OSBP: variants seen among roughly 807,000 people sequenced by gnomAD.
OSBP encodes the protein oxysterol-binding protein 1.
In OSBP, 32 loss-of-function variants were observed where a neutral mutation model predicts 96.6. The ratio of observed to expected loss-of-function variants is 0.33; its 90% CI spans 0.25 to 0.45. The LOEUF is 0.45. Ranked by LOEUF, OSBP falls within the 20% of genes least tolerant of loss-of-function variation. The probability of loss-of-function intolerance (pLI) is 1.00; values close to 1 mark genes in which losing one functional copy is unlikely to be tolerated. For missense variants in OSBP, 653 were observed against 1,029.7 expected (o/e 0.63, Z 5.01); for synonymous variants, 369 against 389.6 (o/e 0.95, Z 0.62).
chr11:59,584,965 T>G (rs577076164), intron 9 of OSBP, among the ~76,000 whole-genome samples: 1 of 152,326 alleles, frequency 6.6e-6, no homozygotes, highest in East Asian at 1.9e-4. Flanking sequence ...TGGAGTGCAG[T>G]GGCGTGATCT....
intron 9 of OSBP, among the ~76,000 whole-genome samples, chr11:59,582,609 C>A (rs1860434707): frequency 1.3e-5 from 2 of 152,124 alleles, no homozygotes; most frequent in Admixed American, 1.3e-4. Context: ...ATTATCAAAC[C>A]TGAGGTAGTT....
At chr11:59,603,308 C>A (rs1860743548) in intron 3 of OSBP, among the ~76,000 whole-genome samples, 1 of 152,118 alleles carries the variant, frequency 6.6e-6, no homozygotes, top group Admixed American at 6.5e-5. Context: ...AGGAGGCAAG[C>A]AACGTAAGCT....
intron 9 of OSBP, among the ~76,000 whole-genome samples, chr11:59,587,997 G>A (rs533445093): frequency 1.3e-5 from 2 of 152,202 alleles, no homozygotes; most frequent in African/African-American, 4.8e-5. Context: ...ATCAACAGAT[G>A]AATGGATAAG....
chr11:59,590,580 A>C (rs776977914), intron 9 of OSBP, among the ~76,000 whole-genome samples: 7 of 152,258 alleles, frequency 4.6e-5, no homozygotes, highest in East Asian at 1.9e-4. Flanking sequence ...GCTGACCCAT[A>C]ATGAGCACTC....
Position 59,600,633 on chromosome 11 carries a change from A to G in OSBP, c.1180-6T>C, listed in dbSNP as rs1486618703. On this transcript the variant is annotated splice_polypyrimidine_tract_variant and splice_region_variant and intron_variant, in intron 6 of 13. Transcript: ENST00000263847. ...TCCTCCAGCTGATGCTTGTACTGAG[A>G]GCAAAACAAAGCCATTCAACCACCC... The G allele has an allele frequency of 6.2e-7, 1 of 1,612,072 alleles. No homozygotes were observed. The highest frequency in any genetic ancestry group is 8.5e-7 in the Non-Finnish European group (1 of 1,179,518).
At chr11:59,589,653 A>G (rs997924374) in intron 9 of OSBP, among the ~76,000 whole-genome samples, 4 of 152,002 alleles carry the variant, frequency 2.6e-5, no homozygotes, top group Admixed American at 1.3e-4. Flanking sequence ...AACTTCAAGC[A>G]TATCAGCTAG....
chr11:59,605,779 A>G (rs1022133477), intron 3 of OSBP, among the ~76,000 whole-genome samples: 1 of 152,228 alleles, frequency 6.6e-6, no homozygotes, highest in Non-Finnish European at 1.5e-5. Context: ...CAATTATCTG[A>G]CAAAAGCCTT....
chr11:59,576,753 T>A, intron 13 of OSBP, 34 bp from the exon 14 acceptor site: 1 of 1,612,544 alleles, frequency 6.2e-7, no homozygotes, highest in Non-Finnish European at 8.5e-7. Flanking sequence ...AAAAAATTAG[T>A]GCTGGCATTC....
At position 59,575,216 on chromosome 11, in the gene OSBP, G is replaced by GA. The variant is rs900956642; in HGVS notation, c.*1360dup. ...CGGACTTTCTACCCACACTCTTCCT[G>GA]AAAAGAGAAAGAAAAGAGGCAGGAA... On this transcript the variant is annotated 3_prime_UTR_variant, in exon 14 of 14. Coordinates refer to ENST00000263847, the MANE Select transcript of OSBP (RefSeq NM_002556.3). 3 of 152,194 alleles carry GA rather than the reference G, an allele frequency of 2.0e-5. No homozygotes were observed. The highest frequency in any genetic ancestry group is 2.1e-4 in the South Asian group (1 of 4,828). 9.4% of individuals were successfully genotyped at this position (152,194 alleles called of 1,614,324 possible).
chr11:59,576,634 T>C lies in OSBP; in HGVS notation c.2367A>G (p.Gly789=), dbSNP rs1296580334. The part of the protein sequence containing the change: ...VTKELTHIYR[G]EYWECKEKQD... ...GTTTTTCTTTACACTCCCAGTATTC[T>C]CCCCTATAAATATGGGTTAACTCCT... Residue 789 remains glycine (G), a synonymous_variant, in exon 14 of 14, where the codon GGA becomes GGG. Coordinates refer to ENST00000263847, the MANE Select transcript of OSBP (RefSeq NM_002556.3). The C allele has an allele frequency of 6.2e-7, 1 of 1,614,020 alleles. No homozygotes were observed. The highest frequency in any genetic ancestry group is 8.5e-7 in the Non-Finnish European group (1 of 1,180,010).
Position 59,576,624 on chromosome 11 carries a change from C to T in OSBP, c.2377G>A (p.Glu793Lys). The change falls in exon 14 of 14, where the codon GAG (glutamate) becomes AAG (lysine). Residue 793 changes from glutamate (E) to lysine (K), a missense_variant. Physicochemically the swap from Glu to Lys is moderately conservative, Grantham distance 56 (BLOSUM62 1). This residue lies in a region of OSBP where 169 missense variants were observed against 251.5 expected (regional missense o/e 0.67). Coordinates refer to ENST00000263847, the MANE Select transcript of OSBP (RefSeq NM_002556.3). Reference sequence around the variant, plus strand: ...CTCCAGTCCTGTTTTTCTTTACACTCCCAGTATTCTCCCCTATAAATATGG... The same window carrying T: ...CTCCAGTCCTGTTTTTCTTTACACTTCCAGTATTCTCCCCTATAAATATGG... ...LTHIYRGEYWECKEKQDWSSC... is the reference protein window; with the variant it reads ...LTHIYRGEYWKCKEKQDWSSC... 1.2e-6 allele frequency: 2 copies of T among 1,614,054 alleles called. No homozygotes were observed. The highest frequency in any genetic ancestry group is 1.7e-6 in the Non-Finnish European group (2 of 1,179,998).
chr11:59,595,038 T>C (rs1254117692), intron 7 of OSBP: 1 of 154,622 alleles, frequency 6.5e-6, no homozygotes, highest in Non-Finnish European at 1.5e-5. Flanking sequence ...TGCCAGACCC[T>C]ATGCTACCCA....
chr11:59,605,412 T>C (rs1435522274), intron 3 of OSBP, among the ~76,000 whole-genome samples: 1 of 152,070 alleles, frequency 6.6e-6, no homozygotes, highest in Non-Finnish European at 1.5e-5. Flanking sequence ...ATTTCATTTA[T>C]TTATTTATTT....
At chr11:59,584,603 G>A (rs767820144) in intron 9 of OSBP, among the ~76,000 whole-genome samples, 3 of 152,120 alleles carry the variant, frequency 2.0e-5, no homozygotes, top group Non-Finnish European at 2.9e-5. Flanking sequence ...CTTTCAGAAT[G>A]AAAACACTCA....
chr11:59,607,901 C>G (rs1434350947), intron 3 of OSBP, among the ~76,000 whole-genome samples: 1 of 152,140 alleles, frequency 6.6e-6, no homozygotes, highest in Non-Finnish European at 1.5e-5. Flanking sequence ...AATATTTTGT[C>G]TTATCATCGA....
chr11:59,593,003 G>T (rs1201232894), intron 9 of OSBP, among the ~76,000 whole-genome samples: 1 of 152,040 alleles, frequency 6.6e-6, no homozygotes, highest in Non-Finnish European at 1.5e-5. Flanking sequence ...TCACCATGTT[G>T]CCCAGGCTGG....
intron 7 of OSBP, among the ~76,000 whole-genome samples, chr11:59,596,161 C>T (rs1391633573): frequency 6.6e-6 from 1 of 151,950 alleles, no homozygotes; most frequent in Non-Finnish European, 1.5e-5. Context: ...CTTCCCTACA[C>T]TGAAAGACAA....
In OSBP at chr11:59,576,378, T is replaced by G; in HGVS notation, c.*199A>C. 1.7e-6 allele frequency: 1 copy of G among 598,044 alleles called. No homozygotes were observed. The highest frequency in any genetic ancestry group is 2.9e-6 in the Non-Finnish European group (1 of 341,822). The allele number at this position is 598,044 out of a possible 1,614,324, so 37.0% of individuals were successfully genotyped here. A position where few individuals can be genotyped will look rare whatever the true frequency, so the allele number is the denominator to read the frequency against. Reference sequence around the variant, plus strand: ...ACAGACATAGTATCTCCTATGTCGATTTCAGTTTCAATCAGCTAAGGCAAC... The same window carrying G: ...ACAGACATAGTATCTCCTATGTCGAGTTCAGTTTCAATCAGCTAAGGCAAC... On this transcript the variant is annotated 3_prime_UTR_variant, in exon 14 of 14. Transcript: ENST00000263847.
rs749218659 is a variant in OSBP, at chr11:59,580,511, G to A, written c.1783-242C>T. On this transcript the variant is annotated intron_variant, in intron 10 of 13. Transcript: ENST00000263847. ...TCTCACATGTTAGATGGCATGATTT[G>A]ACCTTCAGCACATATACTGAAGTAC... Among the ~76,000 whole-genome samples the A allele has an allele frequency of 5.3e-4, 80 of 152,104 alleles. 3 individuals carry two copies. The highest frequency in any genetic ancestry group is 1.5e-4 in the Non-Finnish European group (10 of 68,014).
Sources: allele counts gnomAD v4.1 joint callset (sites outside exome capture counted in the v4.1 genomes callset), GRCh38; gene constraint gnomAD v4.1.1; regional missense constraint gnomAD v4.1.1; transcripts MANE v1.5; gene names NCBI Gene and HGNC (gene_info 2026-07-23, HGNC 2026-07-21).